Variants in ZNF487 observed in about 807,000 individuals in gnomAD.
ZNF487 encodes the protein zinc finger protein 487.
In ZNF487, 4 loss-of-function variants were observed where a neutral mutation model predicts 3.0. The observed-to-expected ratio is 1.35, with a 90% confidence interval of 0.66 to 3.08. The LOEUF (loss-of-function observed/expected upper bound fraction) is 3.08. Ranked by LOEUF, ZNF487 falls within the 30% of genes most tolerant of loss-of-function variation. The probability of loss-of-function intolerance (pLI) is 0.01; values close to 1 mark genes in which losing one functional copy is unlikely to be tolerated. For synonymous variants in ZNF487, 55 were observed against 34.6 expected (o/e 1.59, Z -2.06); for missense variants, 146 against 98.7 (o/e 1.48, Z -2.03).
At chr10:43,452,176 C>A (rs1840033626) in intron 1 of ZNF487, 2 of 152,080 alleles carry the variant, frequency 1.3e-5, no homozygotes, top group African/African-American at 4.8e-5. Flanking sequence ...AGTCTGACTC[C>A]ATATTTTATC....
intron 1 of ZNF487, among the ~76,000 whole-genome samples, chr10:43,458,545 G>A (rs1840304475): frequency 6.6e-6 from 1 of 152,162 alleles, no homozygotes; most frequent in Non-Finnish European, 1.5e-5. Context: ...CTTTAGCTTA[G>A]TGATTTTGGT....
In ZNF487 at chr10:43,479,984, CTTCTTTCT is replaced by C. The variant is rs71533064; in HGVS notation, c.131-1390_131-1383del. 4.3e-3 allele frequency among the ~76,000 whole-genome samples: 248 copies of C among 57,888 alleles called. 3 individuals are homozygous for C. The highest frequency in any genetic ancestry group is 9.8e-3 in the Middle Eastern group (1 of 102). 38.0% of individuals were successfully genotyped at this position (57,888 alleles called of 152,430 possible). On this transcript the variant is annotated intron_variant, in intron 3 of 3. Coordinates refer to ENST00000437590, the MANE Select transcript of ZNF487 (RefSeq NM_001355444.3). ...TTTCTTTCTTTCTTTTCTTTCTTTC[CTTCTTTCT>C]TTCTTTCTTTCTTTCTTTCTTTCTT...
intron 1 of ZNF487, among the ~76,000 whole-genome samples, chr10:43,473,341 A>C (rs1429682684): frequency 1.3e-5 from 2 of 151,928 alleles, no homozygotes; most frequent in South Asian, 4.2e-4. Flanking sequence ...CGGCCTCCCA[A>C]AGTGCTGAGA....
At chr10:43,478,089 T>C (rs1007135659) in intron 3 of ZNF487, among the ~76,000 whole-genome samples, 1 of 152,114 alleles carries the variant, frequency 6.6e-6, no homozygotes, top group African/African-American at 2.4e-5. Context: ...AACCATCTTA[T>C]TAAAAGATGG....
intron 1 of ZNF487, among the ~76,000 whole-genome samples, chr10:43,470,514 C>T (rs1395966713): frequency 6.6e-6 from 1 of 152,006 alleles, no homozygotes; most frequent in Non-Finnish European, 1.5e-5. Context: ...CTCCCAAGTA[C>T]CTGGGATTAC....
chr10:43,460,813 C>T (rs745659289), intron 1 of ZNF487, among the ~76,000 whole-genome samples: 3 of 151,924 alleles, frequency 2.0e-5, no homozygotes, highest in African/African-American at 4.8e-5. Flanking sequence ...GTGCCTCTGC[C>T]TCCCAAGTAT....
chr10:43,505,435 C>A, the ZNF487 span, among the ~76,000 whole-genome samples: 2 of 149,402 alleles, frequency 1.3e-5, no homozygotes, highest in East Asian at 4.1e-4. Context: ...CAGGTGTGCA[C>A]CACCATGCCC....
At chr10:43,448,472 G>A (rs1002803192) in intron 1 of ZNF487, among the ~76,000 whole-genome samples, 9 of 152,100 alleles carry the variant, frequency 5.9e-5, no homozygotes, top group Non-Finnish European at 1.2e-4. Context: ...TAAACAAAAT[G>A]GGTTTGACCT....
At chr10:43,498,008 G>GGA in the ZNF487 span, among the ~76,000 whole-genome samples, 102 of 127,878 alleles carry the variant, frequency 8.0e-4, no homozygotes, top group African/African-American at 1.1e-3. Context: ...ATATGTATAT[G>GGA]GAGAGAGAGA....
the ZNF487 span, among the ~76,000 whole-genome samples, chr10:43,519,660 G>A: frequency 6.6e-6 from 1 of 152,128 alleles, no homozygotes; most frequent in Non-Finnish European, 1.5e-5. Flanking sequence ...TAGAAACGGA[G>A]TTTTACCATA....
chr10:43,460,380 C>CTTTTTT (rs199998705), intron 1 of ZNF487, among the ~76,000 whole-genome samples: 42 of 121,104 alleles, frequency 3.5e-4, no homozygotes, highest in African/African-American at 1.2e-3. Flanking sequence ...TTCTTTCTTT[C>CTTTTTT]TTTTTTTTTT....
Position 43,482,830 on chromosome 10 carries a change from A to G in ZNF487, c.*908A>G, listed in dbSNP as rs1841415249. On this transcript the variant is annotated 3_prime_UTR_variant, in exon 4 of 4. Transcript: ENST00000437590. ...AGAATTCACACAGGGGAGAAACCCT[A>G]TGAATGTAATGAATGTGAGAAAATG... 1.9e-6 allele frequency: 1 copy of G among 523,834 alleles called. No individual in the cohort carries two copies. Among genetic ancestry groups the G allele is most frequent in the Admixed American group, 2.0e-5 (1 of 49,562 alleles). The allele number at this position is 523,834 out of a possible 1,614,324, so 32.4% of individuals were successfully genotyped here.
At chr10:43,515,865 C>G in the ZNF487 span, among the ~76,000 whole-genome samples, 2 of 152,242 alleles carry the variant, frequency 1.3e-5, no homozygotes, top group East Asian at 3.9e-4. Flanking sequence ...ACCTCTGCCT[C>G]CAGGGTTCAA....
At position 43,444,799 on chromosome 10, in the gene ZNF487, C is replaced by G. The variant is rs142039770; in HGVS notation, c.-94+7537C>G. 4.6e-3 allele frequency among the ~76,000 whole-genome samples: 696 copies of G among 152,196 alleles called. 3 individuals carry two copies. The highest frequency in any genetic ancestry group is 8.8e-3 in the Admixed American group (135 of 15,266). ...CCCAAGCTGGTCTTGAACTCCAGAGCTGAAGTGATCCTCCTGCCTCGGCCT... is the reference window on the plus strand; with the variant it reads ...CCCAAGCTGGTCTTGAACTCCAGAGGTGAAGTGATCCTCCTGCCTCGGCCT... On this transcript the variant is annotated intron_variant, in intron 1 of 3. Coordinates refer to ENST00000437590, the MANE Select transcript of ZNF487 (RefSeq NM_001355444.3).
chr10:43,501,757 CA>C, the ZNF487 span, among the ~76,000 whole-genome samples: 3 of 145,110 alleles, frequency 2.1e-5, no homozygotes, highest in African/African-American at 5.1e-5. Flanking sequence ...AAAACAAAAA[CA>C]AAAAAAACCC....
chr10:43,469,333 A>G (rs897741406), intron 1 of ZNF487, among the ~76,000 whole-genome samples: 1 of 151,910 alleles, frequency 6.6e-6, no homozygotes, highest in Non-Finnish European at 1.5e-5. Flanking sequence ...AGCACCTGGG[A>G]CTACAGGCGT....
intron 3 of ZNF487, 97 bp from the exon 4 acceptor site, chr10:43,481,332 C>CAA (rs58434594): frequency 2.3e-3 from 1,093 of 483,300 alleles, no homozygotes; most frequent in East Asian, 0.013. Flanking sequence ...GACACTGTGC[C>CAA]AAAAAAAAAA....
the ZNF487 span, among the ~76,000 whole-genome samples, chr10:43,495,271 T>C: frequency 6.7e-6 from 1 of 149,930 alleles, no homozygotes; most frequent in African/African-American, 2.5e-5. Context: ...AGAGACGGAG[T>C]CTTGCTCTGT....
chr10:43,442,512 C>G (rs554730180), intron 1 of ZNF487, among the ~76,000 whole-genome samples: 1 of 152,162 alleles, frequency 6.6e-6, no homozygotes, highest in South Asian at 2.1e-4. Context: ...GGCACGATCT[C>G]GGCTCACTGC....
Sources: gnomAD v4.1 joint callset for allele counts (sites outside exome capture counted in the v4.1 genomes callset) on GRCh38, gnomAD v4.1.1 for gene constraint, MANE v1.5 for transcripts, NCBI Gene and HGNC (gene_info 2026-07-23, HGNC 2026-07-21) for gene names.